Variants in CSMD1 observed in about 807,000 individuals in gnomAD.
CSMD1 encodes CUB and sushi domain-containing protein 1.
CSMD1 carries 213 observed loss-of-function variants against 417.5 expected under a neutral mutation model. The ratio of observed to expected loss-of-function variants is 0.51; its 90% CI spans 0.46 to 0.57. The LOEUF (loss-of-function observed/expected upper bound fraction) is 0.57, where lower values mean the gene tolerates loss of function less well. Ranked by LOEUF, CSMD1 falls within the 20% of genes least tolerant of loss-of-function variation. CSMD1 has a pLI of 0.00. For missense variants in CSMD1, 6,923 were observed against 4,529.7 expected (o/e 1.53, Z -15.17); for synonymous variants, 2,862 against 1,736.8 (o/e 1.65, Z -16.11).
intron 2 of CSMD1, among the ~76,000 whole-genome samples, chr8:4,449,631 G>A (rs539794449): frequency 3.3e-5 from 5 of 152,100 alleles, no homozygotes; most frequent in East Asian, 1.9e-4. Flanking sequence ...AATACATCTT[G>A]GAGCAATCCA....
At chr8:4,724,932 G>C (rs989272852) in intron 1 of CSMD1, among the ~76,000 whole-genome samples, 1 of 152,016 alleles carries the variant, frequency 6.6e-6, no homozygotes, top group Non-Finnish European at 1.5e-5. Context: ...CTTTTAAGAA[G>C]GTTGTTACAG....
chr8:4,919,437 T>C (rs184751660), intron 1 of CSMD1, among the ~76,000 whole-genome samples: 35 of 152,168 alleles, frequency 2.3e-4, no homozygotes, highest in African/African-American at 6.0e-4. Flanking sequence ...TAACAAAAAT[T>C]AAGGGGGATT....
At chr8:3,682,615 A>T (rs1285297343) in intron 7 of CSMD1, among the ~76,000 whole-genome samples, 5 of 152,234 alleles carry the variant, frequency 3.3e-5, no homozygotes, top group African/African-American at 1.2e-4. Context: ...TAGTTCAACC[A>T]TTGTGGAAGA....
intron 3 of CSMD1, among the ~76,000 whole-genome samples, chr8:4,224,958 A>G (rs1007240439): frequency 1.3e-5 from 2 of 152,178 alleles, no homozygotes; most frequent in Non-Finnish European, 2.9e-5. Flanking sequence ...TAAAATTAAA[A>G]AAAATTAGTT....
rs373858101 is a variant in CSMD1, at chr8:2,955,569, C to G, written c.9994+20G>C. ...CCTTGCTCTTTGGAAAAGTATGCCACTCCTTGATCAATGACTTACTTTTAC... is the reference window on the plus strand; with the variant it reads ...CCTTGCTCTTTGGAAAAGTATGCCAGTCCTTGATCAATGACTTACTTTTAC... On this transcript the variant is annotated intron_variant, in intron 64 of 69. Coordinates refer to ENST00000635120, the MANE Select transcript of CSMD1 (RefSeq NM_033225.6). The G allele has an allele frequency of 1.5e-5, 24 of 1,611,790 alleles. No homozygotes were observed. Among genetic ancestry groups the G allele is most frequent in the African/African-American group, 2.7e-5 (2 of 74,884 alleles).
chr8:4,188,818 G>A (rs1462326870), intron 3 of CSMD1, among the ~76,000 whole-genome samples: 1 of 150,970 alleles, frequency 6.6e-6, no homozygotes, highest in Non-Finnish European at 1.5e-5. Context: ...GGGGAGGATG[G>A]TAATTGGGAG....
At chr8:3,118,854 T>G (rs1480020671) in intron 41 of CSMD1, among the ~76,000 whole-genome samples, 1 of 152,114 alleles carries the variant, frequency 6.6e-6, no homozygotes, top group Admixed American at 6.6e-5. Context: ...AATGCTTACC[T>G]TGGAAAAAAG....
At chr8:3,689,849 G>A (rs144797099) in intron 7 of CSMD1, among the ~76,000 whole-genome samples, 1 of 152,272 alleles carries the variant, frequency 6.6e-6, no homozygotes, top group East Asian at 1.9e-4. Flanking sequence ...GAAAGAACAT[G>A]AGCTTTAAAT....
rs1189780091 is a variant in CSMD1 at position 3,301,044 on chromosome 8, GT to G, written c.3950+6650del. On this transcript the variant is annotated intron_variant, in intron 25 of 69. Coordinates refer to ENST00000635120, the MANE Select transcript of CSMD1 (RefSeq NM_033225.6). ...AGAGAGACAATGTTTAATGGTACAT[GT>G]CCACACCACACAATATACATTGATA... Among the ~76,000 whole-genome samples, 3 of 150,690 alleles carry G rather than the reference GT, an allele frequency of 2.0e-5. No individual in the cohort carries two copies. In the East Asian group the frequency reaches 5.8e-4, roughly 29 times the overall value.
intron 2 of CSMD1, among the ~76,000 whole-genome samples, chr8:4,493,098 C>T (rs898945631): frequency 6.6e-6 from 1 of 152,046 alleles, no homozygotes; most frequent in African/African-American, 2.4e-5. Context: ...TATACTGAAC[C>T]ATCTGTATTC....
chr8:2,974,916 C>T (rs530474940), intron 55 of CSMD1, among the ~76,000 whole-genome samples: 1 of 152,194 alleles, frequency 6.6e-6, no homozygotes, highest in African/African-American at 2.4e-5. Flanking sequence ...ATACTGCCTA[C>T]ATTTTTCCAT....
intron 10 of CSMD1, among the ~76,000 whole-genome samples, chr8:3,548,869 C>A (rs2116763849): frequency 6.6e-6 from 1 of 152,182 alleles, no homozygotes; most frequent in Admixed American, 6.5e-5. Context: ...GGGCTGGGTC[C>A]CGCTCCCTAC....
intron 9 of CSMD1, among the ~76,000 whole-genome samples, chr8:3,584,977 C>T (rs1800536017): frequency 6.6e-6 from 1 of 152,154 alleles, no homozygotes; most frequent in Non-Finnish European, 1.5e-5. Flanking sequence ...AAGGGGACAG[C>T]CATGTGCATT....
intron 3 of CSMD1, among the ~76,000 whole-genome samples, chr8:4,160,076 T>C (rs1163293937): frequency 7.1e-6 from 1 of 141,492 alleles, no homozygotes; most frequent in Admixed American, 7.5e-5. Context: ...TCTCCAAAAG[T>C]ATGGAATTTA....
At chr8:4,269,332 C>G (rs1157921917) in intron 3 of CSMD1, among the ~76,000 whole-genome samples, 2 of 152,172 alleles carry the variant, frequency 1.3e-5, no homozygotes, top group African/African-American at 2.4e-5. Context: ...CCCCAAAGTG[C>G]TGGGATTACA....
At chr8:4,311,363 G>A (rs914405776) in intron 3 of CSMD1, among the ~76,000 whole-genome samples, 28 of 152,172 alleles carry the variant, frequency 1.8e-4, no homozygotes, top group African/African-American at 6.5e-4. Context: ...CATGGATGGA[G>A]CTGGAGGCCA....
chr8:3,944,989 G>A lies in CSMD1; in HGVS notation c.818+52914C>T, dbSNP rs959993412. 2.0e-5 allele frequency among the ~76,000 whole-genome samples: 3 copies of A among 152,114 alleles called. 1 individual carries two copies. The highest frequency in any genetic ancestry group is 2.0e-4 in the Admixed American group (3 of 15,262). Reference sequence around the variant, plus strand: ...GATATCTAATAATTATCCATCTAATGCGGTTCACCCGCAAGTCAAATGTGA... The same window carrying A: ...GATATCTAATAATTATCCATCTAATACGGTTCACCCGCAAGTCAAATGTGA... On this transcript the variant is annotated intron_variant, in intron 5 of 69. Coordinates refer to ENST00000635120, the MANE Select transcript of CSMD1 (RefSeq NM_033225.6).
At chr8:4,031,619 G>A (rs1202347170) in intron 4 of CSMD1, among the ~76,000 whole-genome samples, 1 of 150,872 alleles carries the variant, frequency 6.6e-6, no homozygotes, top group African/African-American at 2.4e-5. Flanking sequence ...ACTTTATGTG[G>A]TCCAAGCATG....
intron 9 of CSMD1, among the ~76,000 whole-genome samples, chr8:3,581,983 CAG>C (rs1448192357): frequency 1.3e-5 from 2 of 152,240 alleles, no homozygotes; most frequent in South Asian, 2.1e-4. Context: ...TCTGCAGAGA[CAG>C]AGTTTCACTA....
Sources: allele counts gnomAD v4.1 joint callset (sites outside exome capture counted in the v4.1 genomes callset), GRCh38; gene constraint gnomAD v4.1.1; transcripts MANE v1.5; gene names NCBI Gene and HGNC (gene_info 2026-07-23, HGNC 2026-07-21).